The following SLC15A4 variants were observed in gnomAD, a reference collection of about 807,000 sequenced individuals.
SLC15A4 encodes hPHT1.
SLC15A4 carries 26 observed loss-of-function variants against 46.1 expected under a neutral mutation model. That is an observed-to-expected ratio of 0.56 (90% confidence interval 0.41 to 0.78). SLC15A4 has a LOEUF of 0.78. Among genes scored for constraint, SLC15A4 ranks in the 30% least tolerant of loss-of-function variants. The probability of loss-of-function intolerance (pLI) is 0.00; values close to 1 mark genes in which losing one functional copy is unlikely to be tolerated. For missense variants in SLC15A4, 751 were observed against 755.7 expected, an observed-to-expected ratio of 0.99 and a Z score of 0.07; for synonymous variants, 370 against 333.4, an observed-to-expected ratio of 1.11 and a Z score of -1.20.
intron 1 of SLC15A4, among the ~76,000 whole-genome samples, chr12:128,816,381 A>C (rs1000389189): frequency 1.3e-5 from 2 of 152,244 alleles, no homozygotes; most frequent in African/African-American, 4.8e-5. Context: ...GGATCTCATA[A>C]AAAGACTCTC....
Position 128,823,731 on chromosome 12 carries a change from G to A in SLC15A4, c.213C>T (p.Gly71=), listed in dbSNP as rs1344199488. ...FLNGAPFCWE[G]AQASEALLLF... Reference sequence around the variant, plus strand: ...GCAGCAGCGCCTCGCTGGCCTGCGCGCCCTCCCAGCAGAACGGCGCCCCGT... The same window carrying A: ...GCAGCAGCGCCTCGCTGGCCTGCGCACCCTCCCAGCAGAACGGCGCCCCGT... The change falls in exon 1 of 8, where the codon GGC becomes GGT. Residue 71 remains glycine, a synonymous_variant. Coordinates refer to ENST00000266771, the MANE Select transcript of SLC15A4 (RefSeq NM_145648.4). 3 of 1,539,136 alleles carry A rather than the reference G, an allele frequency of 1.9e-6. No individual in the cohort carries two copies. The highest frequency in any genetic ancestry group is 1.7e-6 in the Non-Finnish European group (2 of 1,151,774).
In SLC15A4 at chr12:128,793,617, T is replaced by C. The variant is rs1955409375; in HGVS notation, c.*579A>G. 1 of 152,124 alleles carries C rather than the reference T, an allele frequency of 6.6e-6. No homozygotes were observed. Among genetic ancestry groups the C allele is most frequent in the Non-Finnish European group, 1.5e-5 (1 of 68,024 alleles). 9.4% of individuals were successfully genotyped at this position (152,124 alleles called of 1,614,324 possible). A position where few individuals can be genotyped will look rare whatever the true frequency, so the allele number is the denominator to read the frequency against. ...GTACTTTTTGAAGCAGCAGATGAAA[T>C]GTGTTTACTACCAGCCTAAATCAAA... On this transcript the variant is annotated 3_prime_UTR_variant, in exon 8 of 8. Coordinates refer to ENST00000266771, the MANE Select transcript of SLC15A4 (RefSeq NM_145648.4).
chr12:128,810,269 CTAAAT>C (rs1404091941), intron 2 of SLC15A4, 158 bp from the exon 3 acceptor site: 19 of 641,156 alleles, frequency 3.0e-5, no homozygotes, highest in Non-Finnish European at 5.0e-5. Context: ...ACACAGCTAC[CTAAAT>C]TATTTCTAAA....
intron 5 of SLC15A4, among the ~76,000 whole-genome samples, chr12:128,807,775 C>G (rs953459560): frequency 2.6e-5 from 4 of 152,264 alleles, no homozygotes; most frequent in Non-Finnish European, 5.9e-5. Flanking sequence ...TTCATTCAGA[C>G]ACGACCTCAC....
intron 1 of SLC15A4, chr12:128,815,679 TCAAA>T (rs1013555466): frequency 1.2e-4 from 18 of 154,038 alleles, no homozygotes; most frequent in South Asian, 4.1e-4. Flanking sequence ...AAACTCCATC[TCAAA>T]CAAACAAACA....
At chr12:128,809,025 C>T (rs1017010241) in intron 4 of SLC15A4, 69 bp from the exon 5 acceptor site, 9 of 1,436,820 alleles carry the variant, frequency 6.3e-6, no homozygotes, top group East Asian at 4.6e-5. Context: ...AGAGAACCAA[C>T]GTCTCAATGG....
intron 1 of SLC15A4, among the ~76,000 whole-genome samples, chr12:128,823,137 C>A (rs933109197): frequency 6.6e-6 from 1 of 152,238 alleles, no homozygotes; most frequent in Admixed American, 6.5e-5. Context: ...CGCGCCCGGC[C>A]TCTCTTTTCT....
chr12:128,814,182 A>AGACCTGACCGCCGTATGATG lies in SLC15A4; in HGVS notation c.842+573_842+592dup, dbSNP rs1566055056. 478 of 121,798 alleles carry AGACCTGACCGCCGTATGATG rather than the reference A, an allele frequency of 3.9e-3. 8 individuals are homozygous for AGACCTGACCGCCGTATGATG. Among genetic ancestry groups the AGACCTGACCGCCGTATGATG allele is most frequent in the African/African-American group, 0.015 (433 of 29,274 alleles). The allele number at this position is 121,798 out of a possible 1,614,324, so 7.5% of individuals were successfully genotyped here. On this transcript the variant is annotated intron_variant, in intron 2 of 7. Transcript: ENST00000266771. ...ACTGCACCTTCCTGTCAAGAGTTAC[A>AGACCTGACCGCCGTATGATG]GACCTGACCGCCGTATGATGGACCT...
At position 128,823,537 on chromosome 12, in the gene SLC15A4, G is replaced by C. The variant is rs1254849130; in HGVS notation, c.407C>G (p.Ala136Gly). ...AGGCGCCGTGCAGTTGAGCAGGCGC[G>C]CGGAACCGCAGAGCGCGGCTCGCGT... ...PATRAALCGSARLLNCTAPGP... is the reference protein window; with the variant it reads ...PATRAALCGSGRLLNCTAPGP... The change falls in exon 1 of 8, where the codon GCG becomes GGG. Residue 136 changes from alanine to glycine, a missense_variant. Physicochemically the swap from Ala to Gly is moderately conservative, Grantham distance 60 (BLOSUM62 0). Transcript: ENST00000266771. 1 of 1,465,230 alleles carries C rather than the reference G, an allele frequency of 6.8e-7. No homozygotes were observed. Among genetic ancestry groups the C allele is most frequent in the Non-Finnish European group, 9.0e-7 (1 of 1,116,186 alleles). The allele number at this position is 1,465,230 out of a possible 1,614,324, so 90.8% of individuals were successfully genotyped here. A position where few individuals can be genotyped will look rare whatever the true frequency, so the allele number is the denominator to read the frequency against.
At chr12:128,801,238 A>G in intron 5 of SLC15A4, 1 of 412,670 alleles carries the variant, frequency 2.4e-6, no homozygotes, top group South Asian at 4.6e-5. Context: ...GGCTTTTTAC[A>G]GCATCTTATA....
At chr12:128,798,089 T>C (rs979394787) in intron 7 of SLC15A4, among the ~76,000 whole-genome samples, 1 of 152,178 alleles carries the variant, frequency 6.6e-6, no homozygotes, top group African/African-American at 2.4e-5. Flanking sequence ...AAATTAAGAA[T>C]GAGGATTAAA....
At position 128,823,710 on chromosome 12, in the gene SLC15A4, C is replaced by G; in HGVS notation, c.234G>C (p.Leu78=). The G allele has an allele frequency of 2.0e-6, 3 of 1,531,520 alleles. No individual in the cohort carries two copies. Among genetic ancestry groups the G allele is most frequent in the Non-Finnish European group, 2.6e-6 (3 of 1,147,762 alleles). The allele number at this position is 1,531,520 out of a possible 1,614,324, so 94.9% of individuals were successfully genotyped here. A position where few individuals can be genotyped will look rare whatever the true frequency, so the allele number is the denominator to read the frequency against. ...GGTAGGTGAGGCCCATGAAGAGCAG[C>G]AGCGCCTCGCTGGCCTGCGCGCCCT... ...CWEGAQASEA[L]LLFMGLTYLG... The change falls in exon 1 of 8, where the codon CTG becomes CTC. Residue 78 remains leucine (L), a synonymous_variant. Coordinates refer to ENST00000266771, the MANE Select transcript of SLC15A4 (RefSeq NM_145648.4).
chr12:128,804,409 T>A (rs1955554360), intron 5 of SLC15A4, among the ~76,000 whole-genome samples: 1 of 152,218 alleles, frequency 6.6e-6, no homozygotes, highest in African/African-American at 2.4e-5. Flanking sequence ...TAAATTATCT[T>A]TTCATTATTA....
chr12:128,799,653 A>G (rs1188917272), intron 6 of SLC15A4, among the ~76,000 whole-genome samples: 1 of 152,186 alleles, frequency 6.6e-6, no homozygotes, highest in Admixed American at 6.5e-5. Flanking sequence ...AAATTCAATG[A>G]GCAGAAAGTT....
chr12:128,802,349 A>G (rs905707941), intron 5 of SLC15A4, among the ~76,000 whole-genome samples: 1 of 152,036 alleles, frequency 6.6e-6, no homozygotes, highest in Non-Finnish European at 1.5e-5. Flanking sequence ...GCCTTCAAAC[A>G]CGAAGAATGA....
rs199809595 is a variant in SLC15A4, at chr12:128,799,248, C to G, written c.1573+11G>C. On this transcript the variant is annotated intron_variant, in intron 7 of 7. Transcript: ENST00000266771. ...GGCTATTTTCAAAAGGGACAGGATG[C>G]TGGCTCTTACCAAAGTCTGTGTGAC... The G allele has an allele frequency of 5.0e-6, 8 of 1,613,936 alleles. No homozygotes were observed. The highest frequency in any genetic ancestry group is 5.9e-6 in the Non-Finnish European group (7 of 1,179,972).
At chr12:128,808,325 T>C (rs1206791204) in intron 5 of SLC15A4, among the ~76,000 whole-genome samples, 1 of 152,160 alleles carries the variant, frequency 6.6e-6, no homozygotes, top group African/African-American at 2.4e-5. Flanking sequence ...AGAAACATTT[T>C]TGTCACCAGA....
chr12:128,794,732 A>G (rs1955425806), intron 7 of SLC15A4, among the ~76,000 whole-genome samples: 1 of 152,178 alleles, frequency 6.6e-6, no homozygotes, highest in African/African-American at 2.4e-5. Flanking sequence ...GGTGAAGGGG[A>G]CAGTGTCGAC....
chr12:128,823,085 GC>G (rs1955872749), intron 1 of SLC15A4, among the ~76,000 whole-genome samples: 1 of 150,132 alleles, frequency 6.7e-6, no homozygotes, highest in Non-Finnish European at 1.5e-5. Flanking sequence ...AGATCCTCCC[GC>G]CTCGGCCTCC....
Sources: gnomAD v4.1 joint callset for allele counts (sites outside exome capture counted in the v4.1 genomes callset) on GRCh38, gnomAD v4.1.1 for gene constraint, MANE v1.5 for transcripts, NCBI Gene and HGNC (gene_info 2026-07-23, HGNC 2026-07-21) for gene names.